Variants in GART observed in about 807,000 individuals in gnomAD.
GART encodes the protein phosphoribosylglycinamide formyltransferase, phosphoribosylglycinamide synthetase, phosphoribosylaminoimidazole synthetase.
A neutral mutation model predicts 107.2 loss-of-function variants in GART; 43 were observed. That is an observed-to-expected ratio of 0.40 (90% CI 0.31 to 0.52). The LOEUF is 0.52. Ranked by LOEUF, GART falls within the 20% of genes least tolerant of loss-of-function variation. The pLI is 0.52. For synonymous variants in GART, 434 were observed against 427.0 expected (o/e 1.02, Z -0.20); for missense variants, 1,107 against 1,206.5 (o/e 0.92, Z 1.22).
intron 16 of GART, among the ~76,000 whole-genome samples, chr21:33,516,147 C>T (rs2084873718): frequency 6.7e-6 from 1 of 149,282 alleles, no homozygotes; most frequent in South Asian, 2.1e-4. Flanking sequence ...ACTTGGGAGG[C>T]TGAGGCAGGA....
intron 5 of GART, chr21:33,531,858 T>C: frequency 3.0e-6 from 1 of 338,304 alleles, no homozygotes; most frequent in East Asian, 5.3e-5. Context: ...TTATCGCCAC[T>C]TAATCCTTAC....
chr21:33,515,976 G>A (rs942268490), intron 16 of GART, among the ~76,000 whole-genome samples: 5 of 151,734 alleles, frequency 3.3e-5, no homozygotes, highest in African/African-American at 4.8e-5. Flanking sequence ...GGCCGGGCGC[G>A]GTGGCTCATG....
chr21:33,523,681 A>G (rs1415792994), intron 11 of GART, among the ~76,000 whole-genome samples: 1 of 152,164 alleles, frequency 6.6e-6, no homozygotes, highest in Non-Finnish European at 1.5e-5. Flanking sequence ...TTTTTAAGAA[A>G]TCAGGCCGGG....
chr21:33,508,576 G>T (rs1464939711), intron 18 of GART, among the ~76,000 whole-genome samples: 1 of 140,086 alleles, frequency 7.1e-6, no homozygotes. Context: ...GGAGTACAGT[G>T]GTGCAATCTC....
chr21:33,515,363 T>C (rs2084854724), intron 16 of GART, among the ~76,000 whole-genome samples: 2 of 152,138 alleles, frequency 1.3e-5, no homozygotes, highest in African/African-American at 4.8e-5. Context: ...AGGGAGGGGC[T>C]GGGCACAGTG....
intron 14 of GART, chr21:33,518,860 A>C (rs1175917077): frequency 1.9e-6 from 1 of 536,356 alleles, no homozygotes; most frequent in Non-Finnish European, 3.7e-6. Flanking sequence ...TAGCATTTCT[A>C]TCAGCTGCGT....
chr21:33,542,856 G>T, upstream of GART: 1 of 579,466 alleles, frequency 1.7e-6, no homozygotes, highest in Non-Finnish European at 3.1e-6. Flanking sequence ...CTAACATGGC[G>T]GACATAGTCG....
intron 7 of GART, among the ~76,000 whole-genome samples, chr21:33,529,313 T>G (rs7275193): frequency 1.3e-5 from 2 of 152,228 alleles, no homozygotes; most frequent in Non-Finnish European, 2.9e-5. Context: ...TTGTAAAAAT[T>G]AGACCCAGAT....
chr21:33,504,125 C>CAT lies in GART; in HGVS notation c.3030_3031dup (p.Ter1011TyrfsTer5). The CAT allele has an allele frequency of 6.2e-7, 1 of 1,602,400 alleles. No homozygotes were observed. The highest frequency in any genetic ancestry group is 1.1e-5 in the South Asian group (1 of 89,920). ...GCCCCATTTCTGAATTAAAAGGCTT[C>CAT]ATTCCTCTTTAACCCAACAGATCTT... is the stretch of plus-strand genomic sequence containing the variant. On this transcript the variant is annotated frameshift_variant and stop_lost, in exon 22 of 22. Coordinates refer to ENST00000381815, the MANE Select transcript of GART (RefSeq NM_000819.5). LOFTEE classifies it high-confidence loss of function.
At chr21:33,512,984 C>T (rs936552676) in intron 16 of GART, among the ~76,000 whole-genome samples, 1 of 151,266 alleles carries the variant, frequency 6.6e-6, no homozygotes, top group African/African-American at 2.4e-5. Flanking sequence ...GGCGTGATCT[C>T]GACTCACTGC....
intron 4 of GART, among the ~76,000 whole-genome samples, 163 bp downstream of exon 4, chr21:33,534,416 C>T (rs2145755905): frequency 6.6e-6 from 1 of 152,042 alleles, no homozygotes; most frequent in South Asian, 2.1e-4. Flanking sequence ...AGGGTTTTAC[C>T]ATGGTACCCA....
rs769273239 is a variant in GART, at chr21:33,528,840, G to A, written c.811+10C>T. The A allele has an allele frequency of 1.3e-6, 2 of 1,587,406 alleles. No homozygotes were observed. Among genetic ancestry groups the A allele is most frequent in the South Asian group, 2.2e-5 (2 of 89,766 alleles). ...ATAGGTGGCTTCCATAGTAATGTGG[G>A]TGGGCCTACCTGTATATGGAGTACC... On this transcript the variant is annotated intron_variant, in intron 8 of 21. Transcript: ENST00000381815.
At position 33,539,226 on chromosome 21, in the gene GART, C is replaced by T. The variant is rs202081734; in HGVS notation, c.90G>A (p.Val30=). 2 of 1,614,188 alleles carry T rather than the reference C, an allele frequency of 1.2e-6. No homozygotes were observed. The highest frequency in any genetic ancestry group is 3.3e-5 in the Admixed American group (2 of 60,022). Residue 30 remains valine, a synonymous_variant, in exon 2 of 22, where the codon GTG becomes GTA. Transcript: ENST00000381815. ...TGCCTGCGTTTCCTGGGGCAACCAA[C>T]ACTTGTTTGACATGATGAGACTGTG... ...KLAQSHHVKQ[V]LVAPGNAGTA...
rs766612643 is a variant in GART, at chr21:33,522,193, C to T, written c.1388G>A (p.Arg463Lys). 2.5e-6 allele frequency: 4 copies of T among 1,611,472 alleles called. No homozygotes were observed. The highest frequency in any genetic ancestry group is 3.3e-5 in the Admixed American group (2 of 60,012). ...KIQPLAKATS[R>K]SGCKVDLGGF... ...CAAAGTATAGGATCACTGACCTGAT[C>T]TGGAAGTGGCTTTTGCTAAAGGCTG... The change falls in exon 12 of 22, where the codon AGA (arginine) becomes AAA (lysine). Residue 463 changes from arginine to lysine, a missense_variant. By Grantham distance (26) the Arg-to-Lys change is conservative. Transcript: ENST00000381815.
chr21:33,535,236 G>A lies in GART; in HGVS notation c.230C>T (p.Pro77Leu). ...GAAACAAACTTTACCAGCAGCCAGA[G>A]GTGCTTCTGGTCCAACAACTACAAA... ...IEFVVVGPEA[P>L]LAAGIVGNLR... The change falls in exon 3 of 22, where the codon CCT becomes CTT. Residue 77 changes from proline to leucine, a missense_variant. By Grantham distance (98) the Pro-to-Leu change is moderately conservative. Transcript: ENST00000381815. The A allele has an allele frequency of 6.3e-7, 1 of 1,579,718 alleles. No homozygotes were observed. Among genetic ancestry groups the A allele is most frequent in the African/African-American group, 1.4e-5 (1 of 72,612 alleles).
At chr21:33,531,823 G>C in intron 5 of GART, 1 of 400,648 alleles carries the variant, frequency 2.5e-6, no homozygotes, top group Non-Finnish European at 4.4e-6. Flanking sequence ...TTTCAAATAA[G>C]GTATGGGAAA....
chr21:33,533,942 A>T (rs2085249608), intron 4 of GART, among the ~76,000 whole-genome samples: 1 of 151,868 alleles, frequency 6.6e-6, no homozygotes, highest in Admixed American at 6.6e-5. Context: ...GGAACCAAAA[A>T]CCAAAAACAT....
intron 10 of GART, among the ~76,000 whole-genome samples, chr21:33,526,515 T>C (rs1012027669): frequency 6.6e-6 from 1 of 151,982 alleles, no homozygotes; most frequent in Non-Finnish European, 1.5e-5. Flanking sequence ...CAATTAAAGC[T>C]GCTTCTTTTT....
intron 20 of GART, among the ~76,000 whole-genome samples, chr21:33,504,744 G>A (rs1191878532): frequency 2.0e-5 from 3 of 152,130 alleles, no homozygotes; most frequent in African/African-American, 7.2e-5. Context: ...AAGGCATGCT[G>A]GGGTGCTCTG....
Sources: allele counts gnomAD v4.1 joint callset (sites outside exome capture counted in the v4.1 genomes callset), GRCh38; gene constraint gnomAD v4.1.1; transcripts MANE v1.5; gene names NCBI Gene and HGNC (gene_info 2026-07-23, HGNC 2026-07-21).